The following GTF3C2 variants were observed in gnomAD, a reference collection of about 807,000 sequenced individuals.
GTF3C2 encodes general transcription factor 3C polypeptide 2.
A neutral mutation model predicts 117.4 loss-of-function variants in GTF3C2; 17 were observed. The ratio of observed to expected loss-of-function variants is 0.14; its 90% CI spans 0.10 to 0.22. The LOEUF is 0.22. Ranked by LOEUF, GTF3C2 falls within the 10% of genes least tolerant of loss-of-function variation. The pLI is 1.00. For synonymous variants in GTF3C2, 437 were observed against 427.0 expected, an observed-to-expected ratio of 1.02 and a Z score of -0.29; for missense variants, 888 against 1,143.6, an observed-to-expected ratio of 0.78 and a Z score of 3.22.
chr2:27,336,623 T>C lies in GTF3C2; in HGVS notation c.1128-198A>G, dbSNP rs1680489398. Reference sequence around the variant, plus strand: ...CCTTCCCAAAGTCTGTCTTATATTATTATTATTTGAGATGGGGTCTGTCAC... The same window carrying C: ...CCTTCCCAAAGTCTGTCTTATATTACTATTATTTGAGATGGGGTCTGTCAC... On this transcript the variant is annotated intron_variant, in intron 7 of 18. Coordinates refer to ENST00000264720, the Ensembl canonical transcript of GTF3C2. 3.9e-5 allele frequency: 21 copies of C among 538,054 alleles called. No homozygotes were observed. The South Asian group carries it at 4.8e-4, about 12-fold the overall frequency. The allele number at this position is 538,054 out of a possible 1,614,324, so 33.3% of individuals were successfully genotyped here.
intron 1 of GTF3C2, among the ~76,000 whole-genome samples, chr2:27,355,018 T>C (rs1365552128): frequency 5.3e-5 from 8 of 152,330 alleles, no homozygotes; most frequent in East Asian, 1.9e-4. Context: ...ATTTCAAAAT[T>C]TGATACTACC....
chr2:27,337,133 C>G, intron 7 of GTF3C2, 111 bp downstream of exon 7: 1 of 670,254 alleles, frequency 1.5e-6, no homozygotes, highest in South Asian at 1.9e-5. Flanking sequence ...TTGGGACCAA[C>G]TGAACCAGCA....
At chr2:27,337,044 C>G (rs1467067015) in intron 7 of GTF3C2, among the ~76,000 whole-genome samples, 200 bp downstream of exon 7, 1 of 152,184 alleles carries the variant, frequency 6.6e-6, no homozygotes, top group Admixed American at 6.6e-5. Context: ...CCCTAAATCT[C>G]TCTAGCTTCC....
At chr2:27,337,943 G>A in exon 5 of GTF3C2, 1 of 1,603,436 alleles carries the variant, frequency 6.2e-7, no homozygotes, top group Non-Finnish European at 8.5e-7. Flanking sequence ...TGGTGAGATG[G>A]AGGCACTTCC....
At chr2:27,349,871 C>T (rs1400445726) in intron 1 of GTF3C2, among the ~76,000 whole-genome samples, 1 of 151,774 alleles carries the variant, frequency 6.6e-6, no homozygotes, top group Non-Finnish European at 1.5e-5. Flanking sequence ...AACTCCTGAC[C>T]TCAAATGATC....
At chr2:27,341,976 C>T (rs1051418954) in exon 4 of GTF3C2, 11 of 1,613,960 alleles carry the variant, frequency 6.8e-6, no homozygotes, top group African/African-American at 2.7e-5. Flanking sequence ...TGGGGTGCTT[C>T]GGGGCACTAC....
intron 1 of GTF3C2, among the ~76,000 whole-genome samples, chr2:27,351,524 G>A (rs1175494304): frequency 6.6e-6 from 1 of 152,196 alleles, no homozygotes. Flanking sequence ...TGTGTCTGCA[G>A]TAATCAGAAA....
chr2:27,348,094 C>A (rs1680981339), intron 1 of GTF3C2, among the ~76,000 whole-genome samples: 2 of 152,172 alleles, frequency 1.3e-5, no homozygotes, highest in Non-Finnish European at 2.9e-5. Context: ...ATGGTGAAAC[C>A]CTGTCTCTAC....
At position 27,353,833 on chromosome 2, in the gene GTF3C2, C is replaced by A. The variant is rs74614122; in HGVS notation, c.-25+2906G>T. On this transcript the variant is annotated intron_variant, in intron 1 of 18. Transcript: ENST00000264720. ...ACCTCCTGGGCCCAAGTGCTCCTCCCCATCTCAGCCTCTCAGGTCACTGGG... is the reference window on the plus strand; with the variant it reads ...ACCTCCTGGGCCCAAGTGCTCCTCCACATCTCAGCCTCTCAGGTCACTGGG... Among the ~76,000 whole-genome samples, 6 of 152,192 alleles carry A rather than the reference C, an allele frequency of 3.9e-5. No individual in the cohort carries two copies. The East Asian group carries it at 1.2e-3, about 29-fold the overall frequency.
intron 12 of GTF3C2, among the ~76,000 whole-genome samples, chr2:27,333,016 A>G (rs1245591160): frequency 6.6e-6 from 1 of 151,162 alleles, no homozygotes; most frequent in African/African-American, 2.4e-5. Context: ...ACCCGGCAAA[A>G]TTTTATTATT....
chr2:27,336,559 G>A, intron 7 of GTF3C2, 134 bp from the exon 8 acceptor site: 1 of 612,096 alleles, frequency 1.6e-6, no homozygotes, highest in Non-Finnish European at 3.0e-6. Context: ...TTACAAGTGA[G>A]AACAGAGTCC....
chr2:27,338,067 T>C, intron 4 of GTF3C2, 47 bp from the exon 5 acceptor site: 2 of 1,177,440 alleles, frequency 1.7e-6, no homozygotes, highest in Non-Finnish European at 2.6e-6. Context: ...TTCTACAGGT[T>C]GGACAAAGTC....
chr2:27,350,084 A>G (rs916699382), intron 1 of GTF3C2, among the ~76,000 whole-genome samples: 3 of 152,208 alleles, frequency 2.0e-5, no homozygotes, highest in Non-Finnish European at 4.4e-5. Flanking sequence ...TTAATCAATG[A>G]CAAAGTAGAT....
At position 27,341,966 on chromosome 2, in the gene GTF3C2, T is replaced by C. The variant is rs35790046; in HGVS notation, c.837A>G (p.Pro279=). Residue 279 remains proline (P), a synonymous_variant, in exon 4 of 19, where the codon CCA becomes CCG. Coordinates refer to ENST00000264720, the Ensembl canonical transcript of GTF3C2. ...AGGTTACCCCTGAAGTAGATCCTCG[T>C]GGGGTGCTTCGGGGCACTACAGGCT... is the stretch of plus-strand genomic sequence containing the variant. 4.5e-3 allele frequency: 7,296 copies of C among 1,614,002 alleles called. 259 individuals are homozygous for C. In the African/African-American group the frequency reaches 0.083, roughly 18 times the overall value.
chr2:27,341,105 A>G (rs1480721197), intron 4 of GTF3C2, among the ~76,000 whole-genome samples: 1 of 152,108 alleles, frequency 6.6e-6, no homozygotes, highest in Middle Eastern at 3.2e-3. Context: ...GCATGATCTC[A>G]GCTCACTGCA....
intron 1 of GTF3C2, among the ~76,000 whole-genome samples, chr2:27,352,222 A>G (rs1308985977): frequency 6.6e-6 from 1 of 152,096 alleles, no homozygotes; most frequent in Non-Finnish European, 1.5e-5. Flanking sequence ...GTTAAGTTCA[A>G]CCATCCAACT....
exon 19 of GTF3C2, chr2:27,326,097 T>A (rs371789691): frequency 2.2e-5 from 9 of 416,772 alleles, no homozygotes; most frequent in African/African-American, 1.9e-4. Context: ...CAGGAGCAAG[T>A]AAGATCTGAG....
At position 27,342,153 on chromosome 2, in the gene GTF3C2, T is replaced by A. The variant is rs754217395; in HGVS notation, c.650A>T (p.Lys217Met). 6.2e-6 allele frequency: 10 copies of A among 1,614,116 alleles called. No individual in the cohort carries two copies. The East Asian group carries it at 2.0e-4, about 32-fold the overall frequency. The change falls in exon 4 of 19, where the codon AAG (lysine) becomes ATG (methionine). Residue 217 changes from lysine to methionine, a missense_variant. Physicochemically the swap from Lys to Met is moderately conservative, Grantham distance 95. Around this residue, in one of 7 missense-constraint regions of GTF3C2, gnomAD observed 393 missense variants for 401.5 expected, o/e 0.98. Transcript: ENST00000264720. ...CTTCGGTTTGGTGGGGCTGCTCACC[T>A]TGGGGCCCTCAGGACAGGACACAGG...
chr2:27,342,134 T>C (rs142270356), exon 4 of GTF3C2: 26 of 1,613,960 alleles, frequency 1.6e-5, no homozygotes, highest in East Asian at 1.1e-4. Context: ...TCTTCTTCGG[T>C]TTGGTGGGGC....
Sources: gnomAD v4.1 joint callset for allele counts (sites outside exome capture counted in the v4.1 genomes callset) on GRCh38, gnomAD v4.1.1 for gene constraint, gnomAD v4.1.1 regional missense constraint, MANE v1.5 for transcripts, NCBI Gene and HGNC (gene_info 2026-07-23, HGNC 2026-07-21) for gene names.